FER: variants seen among roughly 807,000 people sequenced by gnomAD.
FER encodes FER tyrosine kinase, also known as tyrosine-protein kinase Fer.
Under a neutral mutation model 111.0 loss-of-function variants are expected in FER, and 63 were observed. The observed-to-expected ratio is 0.57, with a 90% CI of 0.46 to 0.70. The LOEUF is 0.70. FER is among the 30% of genes least tolerant of loss of function. The pLI is 0.00. For missense variants in FER, 914 were observed against 954.0 expected, an observed-to-expected ratio of 0.96 and a Z score of 0.55; for synonymous variants, 327 against 313.9, an observed-to-expected ratio of 1.04 and a Z score of -0.44.
chr5:109,141,989 G>T (rs1753571615), intron 17 of FER, among the ~76,000 whole-genome samples: 1 of 152,182 alleles, frequency 6.6e-6, no homozygotes, highest in Non-Finnish European at 1.5e-5. Flanking sequence ...GTTCTTCCCA[G>T]TGTGGCCACC....
At chr5:109,136,614 A>G (rs1752925375) in intron 17 of FER, among the ~76,000 whole-genome samples, 1 of 152,154 alleles carries the variant, frequency 6.6e-6, no homozygotes, top group Non-Finnish European at 1.5e-5. Flanking sequence ...TTTTCATTTG[A>G]TCTTCACAGT....
Position 109,188,958 on chromosome 5 carries a change from G to T in FER, c.*1383G>T, listed in dbSNP as rs1759171170. 1 of 152,200 alleles carries T rather than the reference G, an allele frequency of 6.6e-6. No homozygotes were observed. The highest frequency in any genetic ancestry group is 1.5e-5 in the Non-Finnish European group (1 of 68,050). The allele number at this position is 152,200 out of a possible 1,614,324, so 9.4% of individuals were successfully genotyped here. A position where few individuals can be genotyped will look rare whatever the true frequency, so the allele number is the denominator to read the frequency against. On this transcript the variant is annotated 3_prime_UTR_variant, in exon 20 of 20. Coordinates refer to ENST00000281092, the MANE Select transcript of FER (RefSeq NM_005246.4). ...AAGGTGCAAGACAGATGTGAATGAAGTAGACAGTCTAGAAGTCAGGTGAAT... is the reference window on the plus strand; with the variant it reads ...AAGGTGCAAGACAGATGTGAATGAATTAGACAGTCTAGAAGTCAGGTGAAT...
In FER at chr5:108,949,271, G is replaced by A. The variant is rs533511472; in HGVS notation, c.1329+3049G>A. On this transcript the variant is annotated intron_variant, in intron 11 of 19. Coordinates refer to ENST00000281092, the MANE Select transcript of FER (RefSeq NM_005246.4). The stretch of plus-strand genomic sequence containing the variant: ...GTTCTCCTTTGAGTCTAGAAAAGCG[G>A]CCTTGTACTTTCTTTAATCAAGGCA... Among the ~76,000 whole-genome samples the A allele has an allele frequency of 1.4e-4, 22 of 152,144 alleles. No individual in the cohort carries two copies. The South Asian group carries it at 3.1e-3, about 22-fold the overall frequency.
intron 13 of FER, among the ~76,000 whole-genome samples, chr5:109,028,139 A>G (rs1163110863): frequency 6.6e-6 from 1 of 152,182 alleles, no homozygotes; most frequent in Non-Finnish European, 1.5e-5. Flanking sequence ...TTACATAAAG[A>G]TTATACAAAA....
At chr5:109,174,432 G>C (rs1020454625) in intron 17 of FER, among the ~76,000 whole-genome samples, 4 of 151,906 alleles carry the variant, frequency 2.6e-5, no homozygotes, top group Admixed American at 2.0e-4. Flanking sequence ...TTTTGTTTTT[G>C]TTTTTTAAAA....
chr5:108,772,117 C>T (rs1264764670), intron 2 of FER, among the ~76,000 whole-genome samples: 4 of 152,038 alleles, frequency 2.6e-5, no homozygotes, highest in East Asian at 1.9e-4. Flanking sequence ...CAGCTCTCTG[C>T]AGCCTCTTTT....
At chr5:108,860,192 C>T (rs1763382092) in intron 5 of FER, among the ~76,000 whole-genome samples, 1 of 151,984 alleles carries the variant, frequency 6.6e-6, no homozygotes, top group South Asian at 2.1e-4. Flanking sequence ...CCTTCCACCT[C>T]AGTCCCCCAA....
At chr5:109,049,271 C>G (rs1266104786) in intron 16 of FER, among the ~76,000 whole-genome samples, 1 of 152,180 alleles carries the variant, frequency 6.6e-6, no homozygotes, top group Non-Finnish European at 1.5e-5. Flanking sequence ...TGCTCAGGGT[C>G]TCACAAAGCC....
At chr5:108,866,522 A>G (rs1764083623) in intron 5 of FER, among the ~76,000 whole-genome samples, 1 of 152,140 alleles carries the variant, frequency 6.6e-6, no homozygotes, top group African/African-American at 2.4e-5. Flanking sequence ...CCAACGTGGC[A>G]CATGTATACA....
chr5:108,988,703 C>G (rs1178887357), intron 13 of FER, among the ~76,000 whole-genome samples: 5 of 152,010 alleles, frequency 3.3e-5, no homozygotes, highest in Non-Finnish European at 7.4e-5. Flanking sequence ...TGCTAATGAT[C>G]TATCAATTTT....
chr5:109,179,883 G>C (rs1266419612), intron 17 of FER, among the ~76,000 whole-genome samples: 1 of 152,082 alleles, frequency 6.6e-6, no homozygotes, highest in Non-Finnish European at 1.5e-5. Flanking sequence ...ATATGAATTT[G>C]GTTATTGAAT....
intron 17 of FER, among the ~76,000 whole-genome samples, chr5:109,151,320 T>C (rs1160049712): frequency 6.6e-6 from 1 of 152,128 alleles, no homozygotes; most frequent in Non-Finnish European, 1.5e-5. Flanking sequence ...AATTAGATTT[T>C]CTGCTTTATA....
chr5:109,087,677 CT>C (rs1425531955), intron 16 of FER, among the ~76,000 whole-genome samples: 2 of 148,832 alleles, frequency 1.3e-5, no homozygotes, highest in Non-Finnish European at 1.5e-5. Context: ...CCTCGGTGCA[CT>C]TTTTTTTTGG....
chr5:109,001,435 C>G (rs538686499), intron 13 of FER, among the ~76,000 whole-genome samples: 172 of 152,292 alleles, frequency 1.1e-3, no homozygotes, highest in African/African-American at 3.8e-3. Context: ...ATTCAACAAC[C>G]ATTCATGCTA....
chr5:108,800,864 G>GTGAAACCTC (rs1374732182), intron 3 of FER, among the ~76,000 whole-genome samples: 5 of 152,130 alleles, frequency 3.3e-5, no homozygotes, highest in Non-Finnish European at 1.5e-5. Flanking sequence ...GGCTAACACG[G>GTGAAACCTC]TGAAACCTCG....
intron 10 of FER, among the ~76,000 whole-genome samples, chr5:108,912,972 G>A (rs1257831060): frequency 1.3e-5 from 2 of 152,126 alleles, no homozygotes. Context: ...GCCATCCAAG[G>A]AACTTTGAGG....
intron 5 of FER, among the ~76,000 whole-genome samples, chr5:108,845,497 A>G (rs1371203597): frequency 6.6e-6 from 1 of 151,996 alleles, no homozygotes; most frequent in African/African-American, 2.4e-5. Context: ...TTGGTTTTTT[A>G]AAAATGAATT....
rs753369809 is a variant in FER, at chr5:108,872,216, A to G, written c.923+4A>G. The G allele has an allele frequency of 1.1e-5, 18 of 1,599,246 alleles. No individual in the cohort carries two copies. On this transcript the variant is annotated splice_donor_region_variant and intron_variant, in intron 8 of 19. Transcript: ENST00000281092. ...CAGCAGAAAGTTTGCAAGTAATGTA[A>G]GTATTCACAAAATATCAACAGTTTA...
intron 17 of FER, among the ~76,000 whole-genome samples, chr5:109,124,405 C>T (rs1014359833): frequency 1.3e-5 from 2 of 152,146 alleles, no homozygotes; most frequent in African/African-American, 2.4e-5. Flanking sequence ...ATGAACTCTT[C>T]GTGTACTTGT....
Sources: allele counts gnomAD v4.1 joint callset (sites outside exome capture counted in the v4.1 genomes callset), GRCh38; gene constraint gnomAD v4.1.1; transcripts MANE v1.5; gene names NCBI Gene and HGNC (gene_info 2026-07-23, HGNC 2026-07-21).